CCSER1: variants seen among roughly 807,000 people sequenced by gnomAD.
CCSER1 encodes serine-rich coiled-coil domain-containing protein 1.
CCSER1 carries 41 observed loss-of-function variants against 82.0 expected under a neutral mutation model. The ratio of observed to expected loss-of-function variants is 0.50; its 90% CI spans 0.39 to 0.65. The LOEUF is 0.65. Ranked by LOEUF, CCSER1 falls within the 30% of genes least tolerant of loss-of-function variation. The pLI, the probability that CCSER1 is intolerant of heterozygous loss-of-function variation, is 0.00. For synonymous variants in CCSER1, 414 were observed against 383.9 expected (o/e 1.08, Z -0.92); for missense variants, 1,119 against 1,064.2 (o/e 1.05, Z -0.72).
chr4:91,419,630 C>T (rs895299698), intron 10 of CCSER1, among the ~76,000 whole-genome samples: 13 of 151,816 alleles, frequency 8.6e-5, no homozygotes, highest in African/African-American at 3.1e-4. Flanking sequence ...CCATACTATC[C>T]AAAGTAATCT....
chr4:90,727,548 C>T (rs974314058), intron 7 of CCSER1, among the ~76,000 whole-genome samples: 13 of 152,154 alleles, frequency 8.5e-5, no homozygotes, highest in Non-Finnish European at 1.6e-4. Context: ...TCTCATCTGC[C>T]TGACATCTCC....
At chr4:91,380,902 G>A (rs188331735) in intron 10 of CCSER1, among the ~76,000 whole-genome samples, 1,606 of 152,216 alleles carry the variant, frequency 0.011, 28 homozygotes, top group African/African-American at 0.037. Context: ...TCCTTTCCAT[G>A]TTTAGTGCTT....
intron 10 of CCSER1, among the ~76,000 whole-genome samples, chr4:91,488,999 A>C (rs78421242): frequency 6.6e-6 from 1 of 152,088 alleles, no homozygotes; most frequent in South Asian, 2.1e-4. Flanking sequence ...GGAAGAAAGC[A>C]TTATTTTGTA....
At chr4:91,320,467 A>G (rs1000520588) in intron 10 of CCSER1, among the ~76,000 whole-genome samples, 2 of 152,038 alleles carry the variant, frequency 1.3e-5, no homozygotes, top group Non-Finnish European at 2.9e-5. Context: ...TAATAAAAAG[A>G]CTGCCTTTTG....
At chr4:90,800,963 G>C (rs1040977849) in intron 7 of CCSER1, among the ~76,000 whole-genome samples, 13 of 145,454 alleles carry the variant, frequency 8.9e-5, no homozygotes, top group African/African-American at 2.6e-4. Context: ...GAAATGCTCT[G>C]TTCTCTTACT....
chr4:90,712,737 A>G (rs372377349), intron 6 of CCSER1, among the ~76,000 whole-genome samples: 3 of 151,774 alleles, frequency 2.0e-5, no homozygotes, highest in African/African-American at 7.3e-5. Flanking sequence ...TTATTGGGGC[A>G]TTAAAGTCTC....
intron 10 of CCSER1, among the ~76,000 whole-genome samples, chr4:91,591,122 A>G (rs1282571060): frequency 6.6e-6 from 1 of 152,150 alleles, no homozygotes; most frequent in Non-Finnish European, 1.5e-5. Context: ...TTCTGTAGGT[A>G]CAGGACAAGG....
intron 8 of CCSER1, among the ~76,000 whole-genome samples, chr4:90,887,705 A>G (rs1458654729): frequency 6.6e-6 from 1 of 152,172 alleles, no homozygotes; most frequent in East Asian, 1.9e-4. Flanking sequence ...AACATGGTGT[A>G]ACCCTGTCTT....
At chr4:90,762,645 G>A (rs1158765853) in intron 7 of CCSER1, among the ~76,000 whole-genome samples, 5 of 152,002 alleles carry the variant, frequency 3.3e-5, no homozygotes, top group Non-Finnish European at 7.4e-5. Context: ...TCTAATAATA[G>A]CACTTAGATA....
chr4:91,541,198 T>C (rs1761576124), intron 10 of CCSER1, among the ~76,000 whole-genome samples: 1 of 152,210 alleles, frequency 6.6e-6, no homozygotes, highest in Non-Finnish European at 1.5e-5. Context: ...CTCTACTTAT[T>C]TAGTTCTTCA....
chr4:91,241,446 C>T (rs1739355029), intron 10 of CCSER1, among the ~76,000 whole-genome samples: 1 of 148,450 alleles, frequency 6.7e-6, no homozygotes, highest in Non-Finnish European at 1.5e-5. Context: ...TTGCCTCAGC[C>T]TCCCGAGTAG....
intron 9 of CCSER1, among the ~76,000 whole-genome samples, chr4:90,961,228 G>T (rs1410692080): frequency 6.6e-6 from 1 of 152,034 alleles, no homozygotes; most frequent in Non-Finnish European, 1.5e-5. Context: ...GTTACACCCA[G>T]ATCCCCTTCT....
At chr4:90,167,353 T>C (rs1182932252) in intron 1 of CCSER1, among the ~76,000 whole-genome samples, 1 of 152,136 alleles carries the variant, frequency 6.6e-6, no homozygotes, top group East Asian at 1.9e-4. Flanking sequence ...ATAAGAATAT[T>C]GTCAATAAAG....
Position 90,815,995 on chromosome 4 carries a change from A to G in CCSER1, c.2094+150A>G, listed in dbSNP as rs1483378156. ...GATCAGTTTTTATAATTCTGTCATG[A>G]AAACTATAGATCTTTGACAAGCTGA... On this transcript the variant is annotated intron_variant, in intron 8 of 10. Transcript: ENST00000509176. 8 of 530,270 alleles carry G rather than the reference A, an allele frequency of 1.5e-5. No homozygotes were observed. In the East Asian group the frequency reaches 2.0e-4, roughly 14 times the overall value. The allele number at this position is 530,270 out of a possible 1,614,324, so 32.8% of individuals were successfully genotyped here.
rs1176331096 is a variant in CCSER1 at position 90,867,682 on chromosome 4, C to T, written c.2094+51837C>T. ...TTTACTCATTAACCATTACCCTCTT[C>T]CCCCAATACCTCCACTAGCCTTTCC... On this transcript the variant is annotated intron_variant, in intron 8 of 10. Transcript: ENST00000509176. 2.6e-5 allele frequency among the ~76,000 whole-genome samples: 4 copies of T among 151,986 alleles called. No individual in the cohort carries two copies. The South Asian group carries it at 6.2e-4, about 24-fold the overall frequency.
At chr4:91,545,598 CT>C (rs1415694395) in intron 10 of CCSER1, among the ~76,000 whole-genome samples, 2 of 152,048 alleles carry the variant, frequency 1.3e-5, no homozygotes, top group Admixed American at 1.3e-4. Context: ...CATTCATTGC[CT>C]GTTTATAAAA....
intron 10 of CCSER1, among the ~76,000 whole-genome samples, chr4:91,172,810 TAATA>T (rs1185805931): frequency 3.6e-5 from 5 of 138,516 alleles, no homozygotes; most frequent in East Asian, 2.1e-4. Flanking sequence ...CAATCTAACA[TAATA>T]AATAAACTGT....
intron 10 of CCSER1, among the ~76,000 whole-genome samples, chr4:91,383,073 A>G (rs6837355): frequency 0.75 from 113,498 of 151,796 alleles, 42,715 homozygotes; most frequent in East Asian, 0.87. Flanking sequence ...TTACACATTC[A>G]GTATTATCAG....
chr4:90,649,122 T>G (rs142391638), intron 6 of CCSER1, among the ~76,000 whole-genome samples: 1 of 152,318 alleles, frequency 6.6e-6, no homozygotes, highest in Non-Finnish European at 1.5e-5. Flanking sequence ...TACAGAAGCA[T>G]GTTGTGAAAA....
Sources: allele counts gnomAD v4.1 joint callset (sites outside exome capture counted in the v4.1 genomes callset), GRCh38; gene constraint gnomAD v4.1.1; transcripts MANE v1.5; gene names NCBI Gene and HGNC (gene_info 2026-07-23, HGNC 2026-07-21).